Variants in MALT1 observed in about 807,000 individuals in gnomAD.
The protein encoded by MALT1 is mucosa-associated lymphoid tissue lymphoma translocation protein 1.
A neutral mutation model predicts 85.5 loss-of-function variants in MALT1; 36 were observed. The observed-to-expected ratio is 0.42, with a 90% confidence interval of 0.32 to 0.56. MALT1 has a LOEUF of 0.56. Ranked by LOEUF, MALT1 falls within the 20% of genes least tolerant of loss-of-function variation. MALT1 has a pLI of 0.10. For missense variants in MALT1, 716 were observed against 981.6 expected (o/e 0.73, Z 3.62); for synonymous variants, 359 against 361.3 (o/e 0.99, Z 0.07).
chr18:58,710,936 C>T lies in MALT1; in HGVS notation c.941C>T (p.Ala314Val). ...CTGAAACAAGGAAGAACAGATGAGG[C>T]AGTGGAGTGCACTGAAGGTAGTGTA... ...VEIIIGRTDE[A>V]VECTEDELNN... Residue 314 changes from alanine (A) to valine (V), a missense_variant, in exon 7 of 17, where the codon GCA becomes GTA. Transcript: ENST00000649217. The T allele has an allele frequency of 6.3e-7, 1 of 1,579,062 alleles. No homozygotes were observed. Among genetic ancestry groups the T allele is most frequent in the South Asian group, 1.2e-5 (1 of 84,884 alleles).
rs555591445 is a variant in MALT1 at position 58,721,114 on chromosome 18, T to C, written c.1019-1934T>C. Among the ~76,000 whole-genome samples the C allele has an allele frequency of 1.1e-4, 16 of 152,280 alleles. No individual in the cohort carries two copies. In the South Asian group the frequency reaches 3.3e-3, roughly 32 times the overall value. On this transcript the variant is annotated intron_variant, in intron 9 of 16. Transcript: ENST00000649217. ...TTTTAAAAAGGCCAGGCGTGGTGGC[T>C]CACACCTGTAATCCCAGCACTTTGG...
At chr18:58,733,798 TG>T in intron 11 of MALT1, 1 of 854,104 alleles carries the variant, frequency 1.2e-6, no homozygotes, top group Non-Finnish European at 1.6e-6. Context: ...CTAAAGGGCA[TG>T]GGCATTTACT....
chr18:58,733,996 G>T, intron 11 of MALT1: 1 of 1,177,466 alleles, frequency 8.5e-7, no homozygotes, highest in South Asian at 2.7e-5. Context: ...GATCCCATTT[G>T]TCTGCCATTG....
chr18:58,686,139 G>A (rs1040564377), intron 2 of MALT1, among the ~76,000 whole-genome samples: 2 of 152,090 alleles, frequency 1.3e-5, no homozygotes, highest in African/African-American at 4.8e-5. Flanking sequence ...CGATTCTTCT[G>A]CCTCAGTCTC....
intron 3 of MALT1, among the ~76,000 whole-genome samples, chr18:58,697,596 C>T (rs1325595749): frequency 4.6e-5 from 7 of 152,152 alleles, no homozygotes; most frequent in African/African-American, 1.4e-4. Flanking sequence ...AAGTTACTTT[C>T]ATTTTATTAA....
At chr18:58,741,638 A>G (rs553739477) in intron 13 of MALT1, 5 of 320,538 alleles carry the variant, frequency 1.6e-5, no homozygotes, top group African/African-American at 4.2e-5. Flanking sequence ...GTTGAATTCA[A>G]AAACCTAAAA....
At position 58,745,018 on chromosome 18, in the gene MALT1, A is replaced by C. The variant is rs546197885; in HGVS notation, c.1911+523A>C. Among the ~76,000 whole-genome samples the C allele has an allele frequency of 8.5e-5, 13 of 152,272 alleles. 1 individual carries two copies. In the South Asian group the frequency reaches 2.7e-3, roughly 32 times the overall value. ...AAGGAGTAAGACAAGCAGAAACCCA[A>C]AATATCACTTTGATTACTGATAGAG... is the stretch of plus-strand genomic sequence containing the variant. On this transcript the variant is annotated intron_variant, in intron 15 of 16. Coordinates refer to ENST00000649217, the MANE Select transcript of MALT1 (RefSeq NM_006785.4).
Position 58,723,264 on chromosome 18 carries a change from T to C in MALT1, c.1222+13T>C. The C allele has an allele frequency of 6.3e-7, 1 of 1,577,316 alleles. No homozygotes were observed. Among genetic ancestry groups the C allele is most frequent in the Non-Finnish European group, 8.7e-7 (1 of 1,148,384 alleles). ...AAGGGAGTATATGGTAAGATATTTA[T>C]AATGTTTGTTTTTACAATTATCCAT... On this transcript the variant is annotated intron_variant, in intron 10 of 16. Transcript: ENST00000649217.
intron 10 of MALT1, among the ~76,000 whole-genome samples, chr18:58,732,223 T>C (rs989415079): frequency 2.0e-5 from 3 of 152,140 alleles, no homozygotes; most frequent in Admixed American, 6.5e-5. Context: ...GCTCCAGATA[T>C]TGCAAGCAGA....
At chr18:58,699,255 G>C (rs1023284421) in intron 3 of MALT1, among the ~76,000 whole-genome samples, 1 of 152,238 alleles carries the variant, frequency 6.6e-6, no homozygotes, top group Non-Finnish European at 1.5e-5. Flanking sequence ...GGTAATTTCT[G>C]TCTGAAGTCA....
At chr18:58,731,991 C>T (rs62093467) in intron 10 of MALT1, among the ~76,000 whole-genome samples, 16,795 of 152,032 alleles carry the variant, frequency 0.11, 1,114 homozygotes, top group Admixed American at 0.16. Context: ...TCATTTTAAT[C>T]GAAATTCAGA....
At chr18:58,737,874 C>T (rs541738599) in intron 13 of MALT1, among the ~76,000 whole-genome samples, 51 of 152,312 alleles carry the variant, frequency 3.3e-4, no homozygotes, top group East Asian at 2.5e-3. Flanking sequence ...TGAGCCACCA[C>T]GCCCGGCCCA....
chr18:58,752,142 T>C lies in MALT1; in HGVS notation c.*4300T>C, dbSNP rs1303960989. 6.6e-6 allele frequency: 1 copy of C among 152,210 alleles called. No individual in the cohort carries two copies. Among genetic ancestry groups the C allele is most frequent in the Non-Finnish European group, 1.5e-5 (1 of 68,050 alleles). 9.4% of individuals were successfully genotyped at this position (152,210 alleles called of 1,614,324 possible). Reference sequence around the variant, plus strand: ...CCAGAGCTTAGATCACTGACATGTATACTGGCATAAGCTTTTTTTTGTTTG... The same window carrying C: ...CCAGAGCTTAGATCACTGACATGTACACTGGCATAAGCTTTTTTTTGTTTG... On this transcript the variant is annotated 3_prime_UTR_variant, in exon 17 of 17. Coordinates refer to ENST00000649217, the MANE Select transcript of MALT1 (RefSeq NM_006785.4).
Position 58,752,076 on chromosome 18 carries a change from A to G in MALT1, c.*4234A>G, listed in dbSNP as rs2055453989. The G allele has an allele frequency of 6.6e-6, 1 of 152,196 alleles. No homozygotes were observed. Among genetic ancestry groups the G allele is most frequent in the South Asian group, 2.1e-4 (1 of 4,824 alleles). The allele number at this position is 152,196 out of a possible 1,614,324, so 9.4% of individuals were successfully genotyped here. A position where few individuals can be genotyped will look rare whatever the true frequency, so the allele number is the denominator to read the frequency against. On this transcript the variant is annotated 3_prime_UTR_variant, in exon 17 of 17. Coordinates refer to ENST00000649217, the MANE Select transcript of MALT1 (RefSeq NM_006785.4). ...GTGAGGTGTCCTGTGCAGCAGTCGCAATTTTTTGACTTGTCAAATTGAAGA... is the reference window on the plus strand; with the variant it reads ...GTGAGGTGTCCTGTGCAGCAGTCGCGATTTTTTGACTTGTCAAATTGAAGA...
chr18:58,748,538 T>G lies in MALT1; in HGVS notation c.*696T>G, dbSNP rs1466168624. ...AGGCTGAAATTTCTTGTTCATAAGA[T>G]TATGAAACCACATGAGAAGTGATAA... On this transcript the variant is annotated 3_prime_UTR_variant, in exon 17 of 17. Transcript: ENST00000649217. 2 of 188,004 alleles carry G rather than the reference T, an allele frequency of 1.1e-5. No individual in the cohort carries two copies. The highest frequency in any genetic ancestry group is 4.7e-5 in the African/African-American group (2 of 42,938). The allele number at this position is 188,004 out of a possible 1,614,324, so 11.6% of individuals were successfully genotyped here.
chr18:58,678,675 T>C (rs1378575105), intron 1 of MALT1, among the ~76,000 whole-genome samples: 1 of 152,180 alleles, frequency 6.6e-6, no homozygotes, highest in Non-Finnish European at 1.5e-5. Flanking sequence ...ATATAGCCCA[T>C]GATCTAAGAC....
intron 13 of MALT1, among the ~76,000 whole-genome samples, chr18:58,736,320 A>C (rs1315616164): frequency 1.3e-5 from 2 of 152,032 alleles, no homozygotes; most frequent in Admixed American, 1.3e-4. Context: ...ATTTAACATA[A>C]CCAGCCAGGG....
At chr18:58,682,943 C>G (rs542401555) in intron 2 of MALT1, among the ~76,000 whole-genome samples, 3 of 152,294 alleles carry the variant, frequency 2.0e-5, no homozygotes, top group Admixed American at 1.3e-4. Context: ...CTCTTCCTAC[C>G]AACAGGGCTG....
At chr18:58,695,405 C>T (rs1174623349) in intron 2 of MALT1, among the ~76,000 whole-genome samples, 3 of 152,144 alleles carry the variant, frequency 2.0e-5, no homozygotes, top group Non-Finnish European at 4.4e-5. Context: ...AAATTCCTGT[C>T]AAAAGTCTTC....
Sources: gnomAD v4.1 joint callset for allele counts (sites outside exome capture counted in the v4.1 genomes callset) on GRCh38, gnomAD v4.1.1 for gene constraint, MANE v1.5 for transcripts, NCBI Gene and HGNC (gene_info 2026-07-23, HGNC 2026-07-21) for gene names.